Variants in EPS15 observed in about 807,000 individuals in gnomAD.
EPS15 encodes epidermal growth factor receptor substrate 15.
Under a neutral mutation model 113.8 loss-of-function variants are expected in EPS15, and 72 were observed. The observed-to-expected ratio is 0.63, with a 90% CI of 0.52 to 0.77. The LOEUF (loss-of-function observed/expected upper bound fraction) is 0.77. Ranked by LOEUF, EPS15 falls within the 30% of genes least tolerant of loss-of-function variation. The probability of loss-of-function intolerance (pLI) is 0.00; values close to 1 mark genes in which losing one functional copy is unlikely to be tolerated. For missense variants in EPS15, 1,048 were observed against 1,045.8 expected, an observed-to-expected ratio of 1.00 and a Z score of -0.03; for synonymous variants, 344 against 363.4, an observed-to-expected ratio of 0.95 and a Z score of 0.61.
chr1:51,505,727 G>C (rs1220600785), intron 1 of EPS15, among the ~76,000 whole-genome samples: 1 of 152,002 alleles, frequency 6.6e-6, no homozygotes, highest in Non-Finnish European at 1.5e-5. Flanking sequence ...AAGAACAATG[G>C]AGCATAAAGC....
chr1:51,461,250 T>C (rs1654419996), intron 7 of EPS15, 100 bp from the exon 8 acceptor site: 5 of 833,512 alleles, frequency 6.0e-6, no homozygotes, highest in Non-Finnish European at 1.0e-5. Flanking sequence ...TGGTGGCTCA[T>C]GCCCATATGG....
intron 21 of EPS15, among the ~76,000 whole-genome samples, chr1:51,388,521 A>G (rs937535233): frequency 6.6e-6 from 1 of 152,220 alleles, no homozygotes; most frequent in African/African-American, 2.4e-5. Context: ...ATATTAATGA[A>G]TCCAGGAGCT....
chr1:51,398,703 AC>A (rs1332078832), intron 20 of EPS15, among the ~76,000 whole-genome samples: 1 of 152,240 alleles, frequency 6.6e-6, no homozygotes, highest in African/African-American at 2.4e-5. Context: ...TCAATAATAT[AC>A]CAAACATTTC....
intron 4 of EPS15, among the ~76,000 whole-genome samples, chr1:51,469,830 T>A (rs1292907421): frequency 6.6e-6 from 1 of 151,908 alleles, no homozygotes; most frequent in East Asian, 1.9e-4. Context: ...CTACCGCCTA[T>A]GTCACAGATA....
chr1:51,361,353 T>C lies in EPS15; in HGVS notation c.2362A>G (p.Lys788Glu). The C allele has an allele frequency of 6.2e-7, 1 of 1,609,036 alleles. No individual in the cohort carries two copies. The highest frequency in any genetic ancestry group is 2.2e-5 in the East Asian group (1 of 44,832). ...PTRPCPLPPG[K>E]RSINKLDSPD... Reference sequence around the variant, plus strand: ...GAATCCAATTTGTTGATGGATCTTTTCCCTGGATCAAAATCATTACAATTA... The same window carrying C: ...GAATCCAATTTGTTGATGGATCTTTCCCCTGGATCAAAATCATTACAATTA... Residue 788 changes from lysine to glutamate, a missense_variant and splice_region_variant, in exon 24 of 25, where the codon AAA becomes GAA. Coordinates refer to ENST00000371733, the MANE Select transcript of EPS15 (RefSeq NM_001981.3).
At chr1:51,374,274 C>T (rs1646731198) in intron 21 of EPS15, among the ~76,000 whole-genome samples, 1 of 152,144 alleles carries the variant, frequency 6.6e-6, no homozygotes, top group Admixed American at 6.5e-5. Flanking sequence ...GGCACTTAAA[C>T]TAATCTCACA....
chr1:51,398,658 T>G (rs1648210544), intron 20 of EPS15, among the ~76,000 whole-genome samples: 1 of 152,228 alleles, frequency 6.6e-6, no homozygotes, highest in South Asian at 2.1e-4. Flanking sequence ...CATAAACGAT[T>G]TTATTTTTCT....
intron 21 of EPS15, among the ~76,000 whole-genome samples, chr1:51,379,265 G>T (rs990811908): frequency 6.6e-6 from 1 of 152,128 alleles, no homozygotes; most frequent in African/African-American, 2.4e-5. Context: ...GACTACAGGC[G>T]CAAGCCACCA....
chr1:51,468,627 C>A (rs1655021044), intron 4 of EPS15, 59 bp from the exon 5 acceptor site: 1 of 1,024,874 alleles, frequency 9.8e-7, no homozygotes, highest in Non-Finnish European at 1.5e-6. Context: ...TACCTACCTG[C>A]ACAAATACTT....
At chr1:51,431,739 G>A (rs571342197) in intron 12 of EPS15, among the ~76,000 whole-genome samples, 5 of 152,120 alleles carry the variant, frequency 3.3e-5, no homozygotes, top group South Asian at 4.1e-4. Flanking sequence ...GAGTTACCGC[G>A]CCTGGCCAGA....
intron 1 of EPS15, among the ~76,000 whole-genome samples, chr1:51,488,483 A>AAC (rs1644166656): frequency 6.6e-6 from 1 of 150,628 alleles, no homozygotes; most frequent in African/African-American, 2.4e-5. Context: ...AAAAAAAAAA[A>AAC]AAAAAAAAAA....
chr1:51,424,900 C>T (rs1651070734), intron 12 of EPS15, among the ~76,000 whole-genome samples: 1 of 151,160 alleles, frequency 6.6e-6, no homozygotes, highest in Non-Finnish European at 1.5e-5. Context: ...CAGACTCTGT[C>T]TCAAAAAAAA....
intron 5 of EPS15, among the ~76,000 whole-genome samples, chr1:51,468,235 C>G (rs1402802095): frequency 6.6e-6 from 1 of 152,102 alleles, no homozygotes; most frequent in Non-Finnish European, 1.5e-5. Context: ...GTTGGGATTA[C>G]AGGCGTGAGC....
intron 8 of EPS15, among the ~76,000 whole-genome samples, chr1:51,449,900 A>G (rs879603240): frequency 4.0e-5 from 6 of 151,656 alleles, no homozygotes; most frequent in Non-Finnish European, 8.8e-5. Context: ...GGTTGCAAAA[A>G]ACTCCAAGTG....
At chr1:51,491,012 G>GC (rs1644223047) in intron 1 of EPS15, among the ~76,000 whole-genome samples, 1 of 152,154 alleles carries the variant, frequency 6.6e-6, no homozygotes, top group African/African-American at 2.4e-5. Flanking sequence ...CCATGAAAAG[G>GC]CAGTATTGAA....
At chr1:51,360,920 AAG>A (rs1377293918) in intron 24 of EPS15, among the ~76,000 whole-genome samples, 1 of 152,186 alleles carries the variant, frequency 6.6e-6, no homozygotes, top group East Asian at 1.9e-4. Context: ...TACCAAGACT[AAG>A]AGAAAGATTT....
intron 13 of EPS15, among the ~76,000 whole-genome samples, chr1:51,416,010 T>G (rs1305160454): frequency 1.3e-5 from 2 of 151,978 alleles, no homozygotes; most frequent in Admixed American, 6.6e-5. Flanking sequence ...AATATCAGCA[T>G]CTAGATATAC....
intron 21 of EPS15, among the ~76,000 whole-genome samples, chr1:51,375,133 C>T (rs562277981): frequency 7.9e-5 from 12 of 151,154 alleles, no homozygotes; most frequent in Non-Finnish European, 1.3e-4. Context: ...TCCCAAGTAG[C>T]TGGGACTACA....
chr1:51,446,607 CCAT>C (rs748767378), intron 10 of EPS15, among the ~76,000 whole-genome samples: 49 of 152,232 alleles, frequency 3.2e-4, no homozygotes, highest in Non-Finnish European at 6.3e-4. Flanking sequence ...GCGCACACCA[CCAT>C]GTCTGGCTAA....
Sources: gnomAD v4.1 joint callset for allele counts (sites outside exome capture counted in the v4.1 genomes callset) on GRCh38, gnomAD v4.1.1 for gene constraint, MANE v1.5 for transcripts, NCBI Gene and HGNC (gene_info 2026-07-23, HGNC 2026-07-21) for gene names.